FRMPD4: variants seen among roughly 807,000 people sequenced by gnomAD.
FRMPD4 encodes FERM and PDZ domain-containing protein 4.
Under a neutral mutation model 94.1 loss-of-function variants are expected in FRMPD4, and 22 were observed. The ratio of observed to expected loss-of-function variants is 0.23; its 90% CI spans 0.17 to 0.33. FRMPD4 has a LOEUF of 0.33. Ranked by LOEUF, FRMPD4 falls within the 10% of genes least tolerant of loss-of-function variation. The pLI, the probability that FRMPD4 is intolerant of heterozygous loss-of-function variation, is 1.00. For missense variants in FRMPD4, 1,111 were observed against 1,339.9 expected (o/e 0.83, Z 2.67); for synonymous variants, 631 against 548.6 (o/e 1.15, Z -2.10).
At chrX:12,176,174 C>T (rs1358480904) in intron 1 of FRMPD4, among the ~76,000 whole-genome samples, 1 of 112,194 alleles carries the variant, frequency 8.9e-6, no homozygotes, top group Non-Finnish European at 1.9e-5. Flanking sequence ...TTAGTTCCAT[C>T]CCCAGAGATT....
At position 12,674,851 on chromosome X, in the gene FRMPD4, T is replaced by C. The variant is rs911279894; in HGVS notation, c.423-12T>C. 1.7e-5 allele frequency: 19 copies of C among 1,110,283 alleles called. No homozygotes were observed. The highest frequency in any genetic ancestry group is 2.2e-5 in the Non-Finnish European group (18 of 804,204). 91.5% of individuals were successfully genotyped at this position (1,110,283 alleles called of 1,213,427 possible). ...TGCATATCATAAATATGTTTGTTTT[T>C]CTCTCTTACAGAAGCTGCAAAGAAT... On this transcript the variant is annotated splice_polypyrimidine_tract_variant and intron_variant, in intron 4 of 16. Transcript: ENST00000675598.
At chrX:12,445,327 G>A (rs866904197) in intron 1 of FRMPD4, among the ~76,000 whole-genome samples, 11 of 112,318 alleles carry the variant, frequency 9.8e-5, no homozygotes, top group Middle Eastern at 4.6e-3. Flanking sequence ...GAATGCTGAC[G>A]TAGAGCATTC....
chrX:12,524,496 T>C (rs1468882827), intron 2 of FRMPD4, among the ~76,000 whole-genome samples: 2 of 111,387 alleles, frequency 1.8e-5, no homozygotes, highest in African/African-American at 6.5e-5. Flanking sequence ...AGCACTCAAG[T>C]CTTAGCTTTT....
At chrX:12,201,033 A>G (rs2056626162) in intron 1 of FRMPD4, among the ~76,000 whole-genome samples, 1 of 112,343 alleles carries the variant, frequency 8.9e-6, no homozygotes, top group South Asian at 3.7e-4. Flanking sequence ...AAGGCAATGC[A>G]AGGCACAGAG....
chrX:12,403,366 CT>C (rs113869492), intron 1 of FRMPD4, among the ~76,000 whole-genome samples: 1 of 106,805 alleles, frequency 9.4e-6, no homozygotes, highest in Non-Finnish European at 1.9e-5. Context: ...TCCTAGAACA[CT>C]TTTTTCCCCT....
chrX:12,266,132 C>CAAAAAAAAAAA (rs3990340), intron 1 of FRMPD4, among the ~76,000 whole-genome samples: 1 of 25,771 alleles, frequency 3.9e-5, no homozygotes. Context: ...GACTCCGTCT[C>CAAAAAAAAAAA]AAAAAAAAAA....
chrX:12,380,145 T>C (rs902279868), intron 1 of FRMPD4, among the ~76,000 whole-genome samples: 7 of 112,264 alleles, frequency 6.2e-5, no homozygotes, highest in African/African-American at 2.3e-4. Flanking sequence ...AGCGTATCTA[T>C]CTTTTCCACT....
At chrX:12,401,664 T>C (rs980895530) in intron 1 of FRMPD4, among the ~76,000 whole-genome samples, 2 of 111,935 alleles carry the variant, frequency 1.8e-5, no homozygotes, top group African/African-American at 3.2e-5. Flanking sequence ...ATATCGGTTT[T>C]ATAAAGAGAG....
chrX:12,280,518 A>G (rs1029634895), intron 1 of FRMPD4, among the ~76,000 whole-genome samples: 1 of 110,427 alleles, frequency 9.1e-6, no homozygotes, highest in East Asian at 2.9e-4. Context: ...CTCATGGCCT[A>G]CTATTTAATG....
intron 4 of FRMPD4, among the ~76,000 whole-genome samples, chrX:12,616,238 T>C (rs1180975395): frequency 9.0e-6 from 1 of 111,430 alleles, no homozygotes; most frequent in Admixed American, 9.5e-5. Context: ...AGTATCCTTA[T>C]AAAAAGTTGA....
At chrX:12,014,931 A>G (rs1235288327) in intron 3 of FRMPD4, among the ~76,000 whole-genome samples, 1 of 111,576 alleles carries the variant, frequency 9.0e-6, no homozygotes, top group African/African-American at 3.3e-5. Context: ...CCAATAAATA[A>G]CAGTGTAAAA....
chrX:12,082,434 A>T (rs190437280), intron 3 of FRMPD4, among the ~76,000 whole-genome samples: 1 of 112,199 alleles, frequency 8.9e-6, no homozygotes, highest in Admixed American at 9.4e-5. Context: ...CTCCCCAGCC[A>T]TGTGGAACTG....
intron 1 of FRMPD4, among the ~76,000 whole-genome samples, chrX:12,147,640 C>T (rs2055788174): frequency 9.0e-6 from 1 of 111,590 alleles, no homozygotes; most frequent in African/African-American, 3.3e-5. Context: ...GGTATTAAAC[C>T]TCCTTGGTTT....
intron 2 of FRMPD4, among the ~76,000 whole-genome samples, chrX:12,564,795 A>G (rs2058695547): frequency 1.9e-5 from 2 of 104,439 alleles, no homozygotes; most frequent in Admixed American, 2.2e-4. Context: ...TGAGCCTACA[A>G]CATCTCATAG....
chrX:12,603,658 G>C (rs1325157908), intron 2 of FRMPD4, among the ~76,000 whole-genome samples: 3 of 111,089 alleles, frequency 2.7e-5, no homozygotes, highest in African/African-American at 9.8e-5. Context: ...GTGTTTTTTA[G>C]AGAAAGTTGG....
intron 2 of FRMPD4, among the ~76,000 whole-genome samples, chrX:12,601,826 C>T (rs2059087089): frequency 1.8e-5 from 2 of 111,388 alleles, no homozygotes; most frequent in South Asian, 3.8e-4. Flanking sequence ...AGACTTAAGT[C>T]GTGGTGCCTT....
At position 12,710,406 on chromosome X, in the gene FRMPD4, C is replaced by G; in HGVS notation, c.1478C>G (p.Thr493Arg). ...GTGTTCTCTTTTGTGTAGCCTATCA[C>G]GCTTCTGATGGAATCCTCAGATGCC... ...ELHVLDVKPI[T>R]LLMESSDAMN... Residue 493 changes from threonine to arginine, a missense_variant, in exon 14 of 17, where the codon ACG becomes AGG. Physicochemically the swap from Thr to Arg is moderately conservative, Grantham distance 71 (BLOSUM62 -1). Coordinates refer to ENST00000675598, the MANE Select transcript of FRMPD4 (RefSeq NM_001368397.1). 8.3e-7 allele frequency: 1 copy of G among 1,203,972 alleles called. No homozygotes were observed. Among genetic ancestry groups the G allele is most frequent in the South Asian group, 1.8e-5 (1 of 56,529 alleles).
intron 1 of FRMPD4, among the ~76,000 whole-genome samples, chrX:12,183,307 T>G (rs2056384481): frequency 9.0e-6 from 1 of 111,353 alleles, no homozygotes; most frequent in Non-Finnish European, 1.9e-5. Context: ...CATAATATGC[T>G]TGGCTAAGCA....
At chrX:12,109,332 A>G (rs1270940280) in intron 3 of FRMPD4, among the ~76,000 whole-genome samples, 2 of 112,387 alleles carry the variant, frequency 1.8e-5, no homozygotes, top group Non-Finnish European at 3.8e-5. Flanking sequence ...TACTGGGTAC[A>G]TAACAAAATG....
Sources: allele counts gnomAD v4.1 joint callset (sites outside exome capture counted in the v4.1 genomes callset), GRCh38; gene constraint gnomAD v4.1.1; transcripts MANE v1.5; gene names NCBI Gene and HGNC (gene_info 2026-07-23, HGNC 2026-07-21).